The following CFH variants were observed in gnomAD, a reference collection of about 807,000 sequenced individuals.
CFH encodes complement factor H.
In CFH, 53 loss-of-function variants were observed where a neutral mutation model predicts 147.3. That is an observed-to-expected ratio of 0.36 (90% CI 0.29 to 0.45). CFH has a LOEUF of 0.45. Ranked by LOEUF, CFH falls within the 20% of genes least tolerant of loss-of-function variation. The probability of loss-of-function intolerance (pLI) is 1.00; values close to 1 mark genes in which losing one functional copy is unlikely to be tolerated. For missense variants in CFH, 1,380 were observed against 1,498.0 expected (o/e 0.92, Z 1.30); for synonymous variants, 536 against 489.4 (o/e 1.10, Z -1.26).
chr1:196,673,256 C>A, intron 2 of CFH, 93 bp downstream of exon 2: 1 of 1,119,660 alleles, frequency 8.9e-7, no homozygotes, highest in Admixed American at 1.8e-5. Context: ...AATTATATCA[C>A]TATTGCCAGT....
intron 1 of CFH, among the ~76,000 whole-genome samples, chr1:196,654,667 T>G (rs1666624501): frequency 6.6e-6 from 1 of 152,182 alleles, no homozygotes; most frequent in Non-Finnish European, 1.5e-5. Context: ...AATTCCAAGA[T>G]GATTAAAGTG....
chr1:196,714,740 G>A (rs140706375), intron 10 of CFH, among the ~76,000 whole-genome samples: 49 of 136,532 alleles, frequency 3.6e-4, no homozygotes, highest in African/African-American at 1.2e-3. Context: ...CTCTGTCGTC[G>A]GCCAGGCTGG....
At chr1:196,728,561 C>A in intron 15 of CFH, 39 bp downstream of exon 15, 1 of 1,595,350 alleles carries the variant, frequency 6.3e-7, no homozygotes, top group South Asian at 1.1e-5. Context: ...TATTCTATTT[C>A]TCATTTGGAA....
intron 9 of CFH, among the ~76,000 whole-genome samples, chr1:196,691,656 A>T (rs1668026852): frequency 6.6e-6 from 1 of 151,994 alleles, no homozygotes; most frequent in South Asian, 2.1e-4. Flanking sequence ...AATTCTGAAT[A>T]TAAAATCTCT....
chr1:196,732,234 G>A (rs1161421668), intron 15 of CFH, among the ~76,000 whole-genome samples: 1 of 151,666 alleles, frequency 6.6e-6, no homozygotes, highest in Admixed American at 6.6e-5. Context: ...TTGACTTCAA[G>A]TTCACTAATT....
At chr1:196,746,434 A>C (rs397834631) in intron 21 of CFH, among the ~76,000 whole-genome samples, 4 of 152,338 alleles carry the variant, frequency 2.6e-5, no homozygotes, top group Admixed American at 6.5e-5. Flanking sequence ...CTGGGTGACA[A>C]AGCGAGACTC....
chr1:196,704,348 G>A (rs930988311), intron 9 of CFH, among the ~76,000 whole-genome samples: 1 of 152,048 alleles, frequency 6.6e-6, no homozygotes, highest in Admixed American at 6.6e-5. Flanking sequence ...GCCCTCCTTG[G>A]CCTCCCAAAG....
chr1:196,734,659 G>C (rs968671683), intron 15 of CFH, among the ~76,000 whole-genome samples: 9 of 152,074 alleles, frequency 5.9e-5, no homozygotes, highest in African/African-American at 2.2e-4. Context: ...GTGTGCCTGT[G>C]GGGGGAAGGG....
intron 15 of CFH, 61 bp downstream of exon 15, chr1:196,728,583 A>G (rs1558179933): frequency 2.0e-6 from 3 of 1,520,686 alleles, no homozygotes; most frequent in African/African-American, 1.4e-5. Context: ...AGTAATAGGT[A>G]TGTGTGTCTT....
chr1:196,709,901 C>T (rs187556280), intron 9 of CFH, among the ~76,000 whole-genome samples: 1 of 151,950 alleles, frequency 6.6e-6, no homozygotes. Context: ...ACCAGCTGCT[C>T]AGGAGATCTG....
intron 7 of CFH, among the ~76,000 whole-genome samples, chr1:196,688,817 T>C (rs1667917747): frequency 6.6e-6 from 1 of 152,102 alleles, no homozygotes; most frequent in Non-Finnish European, 1.5e-5. Flanking sequence ...TATCACCATG[T>C]TGGCCCAGCT....
In CFH at chr1:196,677,501, A is replaced by G. The variant is rs1573013637; in HGVS notation, c.453A>G (p.Ala151=). Residue 151 remains alanine, a synonymous_variant, in exon 5 of 22, where the codon GCA becomes GCG. Coordinates refer to ENST00000367429, the MANE Select transcript of CFH (RefSeq NM_000186.4). ...CEVVKCLPVT[A]PENGKIVSSA... ...TTGTGAAGTGTTTACCAGTGACAGCACCAGAGAATGGAAAAATTGTCAGTA... is the reference window on the plus strand; with the variant it reads ...TTGTGAAGTGTTTACCAGTGACAGCGCCAGAGAATGGAAAAATTGTCAGTA... The G allele has an allele frequency of 6.2e-7, 1 of 1,613,140 alleles. No homozygotes were observed. The highest frequency in any genetic ancestry group is 8.5e-7 in the Non-Finnish European group (1 of 1,179,360).
chr1:196,652,631 T>G (rs565362173), intron 1 of CFH, among the ~76,000 whole-genome samples: 1 of 151,954 alleles, frequency 6.6e-6, no homozygotes, highest in South Asian at 2.1e-4. Context: ...CATTTATCAT[T>G]TACAACTGAT....
chr1:196,716,871 A>T (rs765879847), intron 11 of CFH, among the ~76,000 whole-genome samples: 2 of 152,128 alleles, frequency 1.3e-5, no homozygotes, highest in Non-Finnish European at 2.9e-5. Context: ...CCAATGGAAA[A>T]TCAAAACTGG....
chr1:196,717,509 G>A (rs922336359), intron 11 of CFH, among the ~76,000 whole-genome samples: 1 of 152,006 alleles, frequency 6.6e-6, no homozygotes, highest in Non-Finnish European at 1.5e-5. Context: ...AATGACAAGT[G>A]TAACAAAAAT....
At position 196,740,758 on chromosome 1, in the gene CFH, A is replaced by C. The variant is rs1479017377; in HGVS notation, c.2922A>C (p.Leu974Phe). The part of the protein sequence containing the change: ...GIDGPAIAKC[L>F]GEKWSHPPSC... Reference sequence around the variant, plus strand: ...ATGGGCCTGCAATTGCAAAATGCTTAGGAGAAAAATGGTCTCACCCTCCAT... The same window carrying C: ...ATGGGCCTGCAATTGCAAAATGCTTCGGAGAAAAATGGTCTCACCCTCCAT... The change falls in exon 18 of 22, where the codon TTA becomes TTC. Residue 974 changes from leucine to phenylalanine, a missense_variant. Leu to Phe is a conservative substitution (Grantham distance 22). Transcript: ENST00000367429. The C allele has an allele frequency of 6.2e-7, 1 of 1,613,946 alleles. No homozygotes were observed. The highest frequency in any genetic ancestry group is 1.3e-5 in the African/African-American group (1 of 74,932).
intron 7 of CFH, among the ~76,000 whole-genome samples, chr1:196,687,898 G>A (rs1038510460): frequency 6.6e-6 from 1 of 151,968 alleles, no homozygotes; most frequent in African/African-American, 2.4e-5. Context: ...AAACTATACT[G>A]AAAGAAGTAT....
At chr1:196,725,531 G>A (rs750003260) in intron 12 of CFH, among the ~76,000 whole-genome samples, 18 of 152,212 alleles carry the variant, frequency 1.2e-4, no homozygotes, top group South Asian at 2.1e-4. Context: ...AGGTGTTGTC[G>A]GTCTTAGTCT....
At chr1:196,741,013 C>T in intron 18 of CFH, 1 of 552,068 alleles carries the variant, frequency 1.8e-6, no homozygotes, top group Non-Finnish European at 3.2e-6. Context: ...TAAGCATCCT[C>T]TGATGTATAT....
Sources: allele counts gnomAD v4.1 joint callset (sites outside exome capture counted in the v4.1 genomes callset), GRCh38; gene constraint gnomAD v4.1.1; transcripts MANE v1.5; gene names NCBI Gene and HGNC (gene_info 2026-07-23, HGNC 2026-07-21).